The following WWOX variants were observed in gnomAD, a reference collection of about 807,000 sequenced individuals.
WWOX encodes WW domain containing oxidoreductase, also known as WW domain-containing oxidoreductase.
In WWOX, 69 loss-of-function variants were observed where a neutral mutation model predicts 46.2. That is an observed-to-expected ratio of 1.49 (90% CI 1.23 to 1.82). The LOEUF (loss-of-function observed/expected upper bound fraction) is 1.82. WWOX is among the 40% of genes most tolerant of loss of function. WWOX has a pLI of 0.00. For missense variants in WWOX, 919 were observed against 542.6 expected, an observed-to-expected ratio of 1.69 and a Z score of -6.89; for synonymous variants, 359 against 202.6, an observed-to-expected ratio of 1.77 and a Z score of -6.56.
At chr16:78,802,616 A>G (rs2050920011) in intron 8 of WWOX, among the ~76,000 whole-genome samples, 1 of 152,070 alleles carries the variant, frequency 6.6e-6, no homozygotes, top group South Asian at 2.1e-4. Context: ...GACTAAAGTA[A>G]TGCATTAATG....
chr16:78,889,589 C>T (rs1339515220), intron 8 of WWOX, among the ~76,000 whole-genome samples: 2 of 152,096 alleles, frequency 1.3e-5, no homozygotes, highest in Admixed American at 6.6e-5. Context: ...CCGAGCCAAG[C>T]TTGAAAGTAC....
intron 8 of WWOX, among the ~76,000 whole-genome samples, chr16:79,104,407 A>C (rs779473499): frequency 1.3e-5 from 2 of 152,216 alleles, no homozygotes; most frequent in African/African-American, 4.8e-5. Context: ...GCGAACCACC[A>C]TTAACATTTT....
chr16:78,763,532 GA>G (rs2142496314), intron 8 of WWOX, among the ~76,000 whole-genome samples: 1 of 152,278 alleles, frequency 6.6e-6, no homozygotes, highest in South Asian at 2.1e-4. Context: ...CATAGAGTAT[GA>G]AACTCTGTTC....
chr16:78,288,296 C>T (rs2151858974), intron 5 of WWOX, among the ~76,000 whole-genome samples: 1 of 134,890 alleles, frequency 7.4e-6, no homozygotes, highest in Non-Finnish European at 1.6e-5. Context: ...TTTAACAGCA[C>T]ATACATATAT....
chr16:78,920,853 T>G (rs1057383772), intron 8 of WWOX, among the ~76,000 whole-genome samples: 4 of 152,340 alleles, frequency 2.6e-5, no homozygotes, highest in East Asian at 3.9e-4. Flanking sequence ...CAGGGACTTG[T>G]TCAAAACTCT....
chr16:78,527,990 C>CTTTT (rs1348624411), intron 8 of WWOX, among the ~76,000 whole-genome samples: 2 of 57,950 alleles, frequency 3.5e-5, no homozygotes, highest in East Asian at 7.3e-4. Flanking sequence ...TGGTACATGT[C>CTTTT]CTTTTTTTTT....
chr16:78,803,054 T>A (rs2050937730), intron 8 of WWOX, among the ~76,000 whole-genome samples: 1 of 149,156 alleles, frequency 6.7e-6, no homozygotes, highest in Non-Finnish European at 1.5e-5. Context: ...GGTGCAAGAG[T>A]ATCTAGTAGG....
intron 5 of WWOX, among the ~76,000 whole-genome samples, chr16:78,284,531 C>A (rs1429461035): frequency 1.3e-5 from 2 of 152,148 alleles, no homozygotes; most frequent in East Asian, 3.9e-4. Flanking sequence ...ATGTCACTTA[C>A]TTCTTGTTTT....
intron 6 of WWOX, among the ~76,000 whole-genome samples, chr16:78,418,133 G>C (rs186260962): frequency 0.013 from 1,962 of 152,224 alleles, 23 homozygotes; most frequent in Non-Finnish European, 0.018. Context: ...GGCTGAGGTG[G>C]GTGGATCACG....
At position 78,441,104 on chromosome 16, in the gene WWOX, G is replaced by A. The variant is rs563387756; in HGVS notation, c.1056+8352G>A. Among the ~76,000 whole-genome samples the A allele has an allele frequency of 1.3e-4, 19 of 151,998 alleles. No individual in the cohort carries two copies. In the South Asian group the frequency reaches 2.3e-3, roughly 18 times the overall value. Reference sequence around the variant, plus strand: ...ATTACAGGTGTGCACCACCACGCACGGCTGATGTTTGTATTTTTAGTAGAG... The same window carrying A: ...ATTACAGGTGTGCACCACCACGCACAGCTGATGTTTGTATTTTTAGTAGAG... On this transcript the variant is annotated intron_variant, in intron 8 of 8. Coordinates refer to ENST00000566780, the MANE Select transcript of WWOX (RefSeq NM_016373.4).
intron 8 of WWOX, among the ~76,000 whole-genome samples, chr16:78,618,761 A>T (rs1201683230): frequency 6.6e-6 from 1 of 151,746 alleles, no homozygotes; most frequent in East Asian, 2.0e-4. Context: ...TGTCTTCCCC[A>T]CCTGAGACCT....
intron 8 of WWOX, among the ~76,000 whole-genome samples, chr16:78,881,290 C>T (rs1354886548): frequency 6.6e-6 from 1 of 152,182 alleles, no homozygotes; most frequent in Non-Finnish European, 1.5e-5. Flanking sequence ...AGGCATGAGC[C>T]ACTGTGCCTG....
intron 5 of WWOX, among the ~76,000 whole-genome samples, chr16:78,281,851 G>A (rs2079684656): frequency 6.6e-6 from 1 of 152,156 alleles, no homozygotes; most frequent in African/African-American, 2.4e-5. Flanking sequence ...TTTATTCAGA[G>A]CTTAAATATG....
At chr16:79,188,805 G>A (rs1342100684) in intron 8 of WWOX, among the ~76,000 whole-genome samples, 1 of 152,200 alleles carries the variant, frequency 6.6e-6, no homozygotes, top group Non-Finnish European at 1.5e-5. Flanking sequence ...TTCAGTGTTT[G>A]CTTTTCCTGG....
At chr16:78,877,106 G>C (rs2044249210) in intron 8 of WWOX, among the ~76,000 whole-genome samples, 1 of 152,172 alleles carries the variant, frequency 6.6e-6, no homozygotes, top group Non-Finnish European at 1.5e-5. Flanking sequence ...CAGTAAGGAA[G>C]AAGGTTTTGT....
intron 8 of WWOX, among the ~76,000 whole-genome samples, chr16:78,620,561 C>A (rs1381696202): frequency 2.0e-5 from 3 of 152,176 alleles, no homozygotes; most frequent in South Asian, 2.1e-4. Context: ...AGTTTTATGT[C>A]CTCTGCCACC....
intron 8 of WWOX, among the ~76,000 whole-genome samples, chr16:78,831,661 A>C (rs1189826562): frequency 6.6e-6 from 1 of 152,230 alleles, no homozygotes; most frequent in Non-Finnish European, 1.5e-5. Context: ...AAGAGTGATC[A>C]TAATACTATT....
chr16:78,732,803 G>T (rs1485407890), intron 8 of WWOX, among the ~76,000 whole-genome samples: 1 of 152,174 alleles, frequency 6.6e-6, no homozygotes, highest in Non-Finnish European at 1.5e-5. Flanking sequence ...TGGAATCTCT[G>T]GCAGGTAGAA....
At chr16:78,737,072 T>A (rs8057154) in intron 8 of WWOX, among the ~76,000 whole-genome samples, 22,786 of 151,890 alleles carry the variant, frequency 0.15, 2,056 homozygotes, top group African/African-American at 0.25. Flanking sequence ...TGGTCGTTCC[T>A]TGCTCATCTG....
Sources: gnomAD v4.1 joint callset for allele counts (sites outside exome capture counted in the v4.1 genomes callset) on GRCh38, gnomAD v4.1.1 for gene constraint, MANE v1.5 for transcripts, NCBI Gene and HGNC (gene_info 2026-07-23, HGNC 2026-07-21) for gene names.